The following WRN variants were observed in gnomAD, a reference collection of about 807,000 sequenced individuals.
WRN encodes the protein WRN RecQ like helicase.
WRN carries 149 observed loss-of-function variants against 180.7 expected under a neutral mutation model. The ratio of observed to expected loss-of-function variants is 0.82; its 90% CI spans 0.72 to 0.94. The LOEUF (loss-of-function observed/expected upper bound fraction) is 0.94. Ranked by LOEUF, WRN falls within the 40% of genes least tolerant of loss-of-function variation. The probability of loss-of-function intolerance (pLI) is 0.00; values close to 1 mark genes in which losing one functional copy is unlikely to be tolerated. For synonymous variants in WRN, 548 were observed against 568.9 expected (o/e 0.96, Z 0.52); for missense variants, 1,661 against 1,700.1 (o/e 0.98, Z 0.40).
chr8:31,161,263 G>T (rs1306950266), intron 33 of WRN, among the ~76,000 whole-genome samples: 2 of 152,092 alleles, frequency 1.3e-5, no homozygotes, highest in Admixed American at 6.5e-5. Flanking sequence ...CTCTCTTATA[G>T]AATTGTGAGA....
At chr8:31,093,236 A>T (rs1813829030) in intron 16 of WRN, among the ~76,000 whole-genome samples, 1 of 152,166 alleles carries the variant, frequency 6.6e-6, no homozygotes. Flanking sequence ...CTTTGTATGG[A>T]CATATGGTTT....
At chr8:31,125,094 C>G in intron 23 of WRN, 94 bp downstream of exon 23, 1 of 1,226,858 alleles carries the variant, frequency 8.2e-7, no homozygotes, top group African/African-American at 1.5e-5. Context: ...ATAAGTATTT[C>G]AGTTTTTTAA....
At chr8:31,140,744 T>C (rs376366656) in intron 24 of WRN, among the ~76,000 whole-genome samples, 8 of 151,986 alleles carry the variant, frequency 5.3e-5, no homozygotes, top group African/African-American at 1.9e-4. Flanking sequence ...TCGCATTGCG[T>C]TTTTTTGTTT....
intron 34 of WRN, among the ~76,000 whole-genome samples, chr8:31,168,122 G>A (rs1000049543): frequency 6.6e-6 from 1 of 151,964 alleles, no homozygotes; most frequent in African/African-American, 2.4e-5. Flanking sequence ...TTTAAATTCT[G>A]TACTTGAGTT....
intron 1 of WRN, among the ~76,000 whole-genome samples, chr8:31,039,761 G>T (rs565965601): frequency 1.3e-5 from 2 of 152,190 alleles, no homozygotes; most frequent in East Asian, 3.9e-4. Context: ...TCATGAAAGG[G>T]TGTTGGATTT....
intron 33 of WRN, 21 bp from the exon 34 acceptor site, chr8:31,167,001 G>C: frequency 1.3e-6 from 2 of 1,594,224 alleles, no homozygotes; most frequent in South Asian, 2.2e-5. Context: ...TTTTGAAATG[G>C]AGTTTTTTTA....
At chr8:31,145,035 T>G (rs980015715) in intron 28 of WRN, among the ~76,000 whole-genome samples, 4 of 152,180 alleles carry the variant, frequency 2.6e-5, no homozygotes, top group African/African-American at 9.7e-5. Flanking sequence ...GGTTGGTTCA[T>G]GAGGTTTAAG....
chr8:31,096,709 T>C (rs1216812101), intron 16 of WRN, 59 bp from the exon 17 acceptor site: 2 of 1,326,962 alleles, frequency 1.5e-6, no homozygotes, highest in Non-Finnish European at 2.1e-6. Context: ...TTCTTTATTG[T>C]TAATATGTTT....
At position 31,091,916 on chromosome 8, in the gene WRN, C is replaced by T. The variant is rs2130179248; in HGVS notation, c.1898+18C>T. 9.3e-6 allele frequency: 15 copies of T among 1,610,796 alleles called. No individual in the cohort carries two copies. The highest frequency in any genetic ancestry group is 1.2e-5 in the Non-Finnish European group (14 of 1,177,800). ...ATTAAATTGTGAGTAATTTTTTTCC[C>T]TCAACTTTTATTTTGGATTTATGGG... On this transcript the variant is annotated intron_variant, in intron 16 of 34. Coordinates refer to ENST00000298139, the MANE Select transcript of WRN (RefSeq NM_000553.6).
intron 33 of WRN, among the ~76,000 whole-genome samples, chr8:31,159,621 C>T (rs574566510): frequency 2.6e-5 from 4 of 151,898 alleles, no homozygotes; most frequent in African/African-American, 7.2e-5. Context: ...ATAAATCCCT[C>T]CCCCCAAAAA....
At chr8:31,153,151 T>A (rs1259005091) in intron 31 of WRN, among the ~76,000 whole-genome samples, 1 of 152,238 alleles carries the variant, frequency 6.6e-6, no homozygotes, top group Admixed American at 6.5e-5. Context: ...AACTGTCTAG[T>A]TGTATGCCTC....
chr8:31,081,350 T>C, intron 9 of WRN, 54 bp downstream of exon 9: 8 of 1,577,142 alleles, frequency 5.1e-6, no homozygotes, highest in Non-Finnish European at 6.1e-6. Flanking sequence ...CTGGCAGACT[T>C]TATTCCCGTA....
Position 31,088,945 on chromosome 8 carries a change from T to C in WRN, c.1632T>C (p.Phe544=), listed in dbSNP as rs1585438233. 9 of 1,611,330 alleles carry C rather than the reference T, an allele frequency of 5.6e-6. 1 individual carries two copies. Among genetic ancestry groups the C allele is most frequent in the Non-Finnish European group, 7.6e-6 (9 of 1,178,602 alleles). Reference sequence around the variant, plus strand: ...AAGTTACTTGCCTCAAGATGTACTTTGGCCATTCCAGTTTTAAACCGTGAG... The same window carrying C: ...AAGTTACTTGCCTCAAGATGTACTTCGGCCATTCCAGTTTTAAACCGTGAG... ...EEQVTCLKMY[F]GHSSFKPVQW... The change falls in exon 13 of 35, where the codon TTT becomes TTC. Residue 544 remains phenylalanine, a synonymous_variant. Transcript: ENST00000298139.
In WRN at chr8:31,105,805, A is replaced by C. The variant is rs886575784; in HGVS notation, c.2088+4850A>C. On this transcript the variant is annotated intron_variant, in intron 18 of 34. Coordinates refer to ENST00000298139, the MANE Select transcript of WRN (RefSeq NM_000553.6). ...CTATACTGAGGACTCCCAAATTTTT[A>C]TCTCCATCATAGACTGATATCAGCA... 1.4e-4 allele frequency among the ~76,000 whole-genome samples: 22 copies of C among 152,192 alleles called. 1 individual carries two copies. The highest frequency in any genetic ancestry group is 3.2e-4 in the Non-Finnish European group (22 of 68,036).
chr8:31,079,241 G>A (rs974084645), intron 8 of WRN, among the ~76,000 whole-genome samples: 3 of 152,142 alleles, frequency 2.0e-5, no homozygotes, highest in African/African-American at 7.2e-5. Flanking sequence ...AGTGATGGAA[G>A]TAACTGGAAA....
chr8:31,140,176 A>G (rs1373052766), intron 24 of WRN, among the ~76,000 whole-genome samples: 1 of 150,610 alleles, frequency 6.6e-6, no homozygotes, highest in East Asian at 1.9e-4. Context: ...ACAGGTACAC[A>G]CCACCACACT....
chr8:31,124,046 C>T (rs1801825320), intron 21 of WRN, among the ~76,000 whole-genome samples: 1 of 152,014 alleles, frequency 6.6e-6, no homozygotes, highest in Non-Finnish European at 1.5e-5. Context: ...TCCTGAAGAG[C>T]TGATAGAGAT....
chr8:31,082,800 A>G (rs536569557), intron 9 of WRN, among the ~76,000 whole-genome samples: 83 of 152,166 alleles, frequency 5.5e-4, no homozygotes, highest in Middle Eastern at 3.4e-3. Context: ...CTGGGATTAC[A>G]GGTGTGAGCC....
At position 31,132,423 on chromosome 8, in the gene WRN, C is replaced by T. The variant is rs1585502089; in HGVS notation, c.2884C>T (p.Gln962Ter). 2.5e-6 allele frequency: 4 copies of T among 1,614,142 alleles called. No homozygotes were observed. Among genetic ancestry groups the T allele is most frequent in the Non-Finnish European group, 3.4e-6 (4 of 1,180,012 alleles). Residue 962 changes from glutamine (Q) to a stop codon, truncating the protein, a stop_gained, in exon 24 of 35, where the codon CAA (glutamine) becomes TAA (stop). Transcript: ENST00000298139. LOFTEE classifies it high-confidence loss of function. ...GGATACATCCTGGGACTTTGGTCCA[C>T]AAGCATTTAAGCTTTTGTCTGCTGT... ...SEDTSWDFGPQAFKLLSAVDI... is the reference protein window; with the variant it reads ...SEDTSWDFGP
Sources: allele counts gnomAD v4.1 joint callset (sites outside exome capture counted in the v4.1 genomes callset), GRCh38; gene constraint gnomAD v4.1.1; transcripts MANE v1.5; gene names NCBI Gene and HGNC (gene_info 2026-07-23, HGNC 2026-07-21).